Variants in SERPINI1 observed in about 807,000 individuals in gnomAD.
The protein encoded by SERPINI1 is serpin family I member 1, also known as neuroserpin.
SERPINI1 carries 19 observed loss-of-function variants against 41.1 expected under a neutral mutation model. That is an observed-to-expected ratio of 0.46 (90% CI 0.32 to 0.68). SERPINI1 has a LOEUF of 0.68. SERPINI1 is among the 30% of genes least tolerant of loss of function. The pLI, the probability that SERPINI1 is intolerant of heterozygous loss-of-function variation, is 0.03. For synonymous variants in SERPINI1, 138 were observed against 156.6 expected, an observed-to-expected ratio of 0.88 and a Z score of 0.89; for missense variants, 460 against 479.2, an observed-to-expected ratio of 0.96 and a Z score of 0.37.
chr3:167,799,708 T>C (rs1190962020), intron 5 of SERPINI1, among the ~76,000 whole-genome samples: 2 of 152,202 alleles, frequency 1.3e-5, no homozygotes. Flanking sequence ...GCACCTGTTG[T>C]TTTCTGACTT....
At chr3:167,760,052 A>G (rs1385998498) in intron 1 of SERPINI1, among the ~76,000 whole-genome samples, 1 of 152,178 alleles carries the variant, frequency 6.6e-6, no homozygotes. Flanking sequence ...TTAAGGTTAT[A>G]CAAATATCCT....
chr3:167,787,643 C>T (rs35114400), intron 1 of SERPINI1, among the ~76,000 whole-genome samples: 19,183 of 152,212 alleles, frequency 0.13, 1,452 homozygotes, highest in African/African-American at 0.21. Context: ...TAGCTGTCAT[C>T]CCATTAGCAA....
At chr3:167,761,925 A>G (rs1726394775) in intron 1 of SERPINI1, among the ~76,000 whole-genome samples, 1 of 152,196 alleles carries the variant, frequency 6.6e-6, no homozygotes, top group Non-Finnish European at 1.5e-5. Context: ...GAGTAATACT[A>G]CCTTGGCAGG....
intron 1 of SERPINI1, among the ~76,000 whole-genome samples, chr3:167,777,783 A>T (rs570877936): frequency 3.0e-4 from 45 of 152,318 alleles, no homozygotes; most frequent in Non-Finnish European, 5.3e-4. Context: ...TACAGTTTGA[A>T]TGTGCCCTCC....
intron 5 of SERPINI1, among the ~76,000 whole-genome samples, chr3:167,805,334 T>C (rs1385075304): frequency 6.6e-6 from 1 of 152,230 alleles, no homozygotes; most frequent in East Asian, 1.9e-4. Flanking sequence ...GTTGACTGCA[T>C]AAATGTCTTC....
intron 1 of SERPINI1, among the ~76,000 whole-genome samples, chr3:167,778,864 C>A (rs1727036296): frequency 6.6e-6 from 1 of 152,224 alleles, no homozygotes; most frequent in Non-Finnish European, 1.5e-5. Flanking sequence ...CTAAATTCCT[C>A]TCATAGTTAG....
chr3:167,803,768 G>A (rs1711524978), intron 5 of SERPINI1, among the ~76,000 whole-genome samples: 1 of 152,136 alleles, frequency 6.6e-6, no homozygotes, highest in Admixed American at 6.6e-5. Flanking sequence ...AAATGGATCA[G>A]GACAACTGTA....
chr3:167,766,533 C>A (rs537698331), intron 1 of SERPINI1, among the ~76,000 whole-genome samples: 1 of 152,196 alleles, frequency 6.6e-6, no homozygotes, highest in African/African-American at 2.4e-5. Flanking sequence ...GACACAGAGC[C>A]AAACCATATC....
At chr3:167,802,841 G>T (rs900646897) in intron 5 of SERPINI1, among the ~76,000 whole-genome samples, 1 of 150,642 alleles carries the variant, frequency 6.6e-6, no homozygotes, top group Non-Finnish European at 1.5e-5. Context: ...TGTTTATTGA[G>T]GCATTATTCA....
At chr3:167,794,971 C>CTTCTCT in intron 5 of SERPINI1, 147 bp downstream of exon 5, 2 of 673,008 alleles carry the variant, frequency 3.0e-6, no homozygotes, top group Middle Eastern at 4.0e-4. Flanking sequence ...TCTCTTTCTC[C>CTTCTCT]TTCTCCTTCT....
At chr3:167,823,572 T>C (rs923548181) in intron 7 of SERPINI1, among the ~76,000 whole-genome samples, 1 of 152,202 alleles carries the variant, frequency 6.6e-6, no homozygotes, top group Non-Finnish European at 1.5e-5. Flanking sequence ...GGGGTATTCA[T>C]CACCTGAAGC....
chr3:167,787,380 A>G (rs949259280), intron 1 of SERPINI1, among the ~76,000 whole-genome samples: 44 of 152,262 alleles, frequency 2.9e-4, no homozygotes, highest in African/African-American at 1.1e-3. Flanking sequence ...TAATTGTGCT[A>G]TACTTTTATA....
Position 167,823,144 on chromosome 3 carries a change from G to T in SERPINI1, c.1066+72G>T, listed in dbSNP as rs188032933. On this transcript the variant is annotated intron_variant, in intron 7 of 8. Transcript: ENST00000446050. ...AGAGCAATCTTGAGTGGGGAGTGGG[G>T]TCATTTTCAAAATGAAGCCAAAAAA... The T allele has an allele frequency of 6.0e-4, 631 of 1,055,724 alleles. 4 individuals are homozygous for T. The African/African-American group carries it at 9.0e-3, about 15-fold the overall frequency. 65.4% of individuals were successfully genotyped at this position (1,055,724 alleles called of 1,614,324 possible).
At chr3:167,806,268 A>G (rs976234520) in intron 5 of SERPINI1, among the ~76,000 whole-genome samples, 3 of 152,114 alleles carry the variant, frequency 2.0e-5, no homozygotes, top group Non-Finnish European at 4.4e-5. Flanking sequence ...TAGGAGTCGA[A>G]CAATGAGAAC....
chr3:167,817,331 AT>A (rs1265268841), intron 6 of SERPINI1, among the ~76,000 whole-genome samples: 1 of 151,942 alleles, frequency 6.6e-6, no homozygotes, highest in Non-Finnish European at 1.5e-5. Context: ...GGTTTTTTTC[AT>A]TTTTTACAGC....
intron 5 of SERPINI1, among the ~76,000 whole-genome samples, chr3:167,802,478 A>G (rs1727932360): frequency 1.3e-5 from 2 of 151,186 alleles, no homozygotes; most frequent in African/African-American, 4.9e-5. Flanking sequence ...ACATGAACAG[A>G]CACTTCTCAA....
intron 1 of SERPINI1, among the ~76,000 whole-genome samples, chr3:167,744,895 A>G (rs1489027720): frequency 7.1e-6 from 1 of 141,178 alleles, no homozygotes; most frequent in African/African-American, 2.6e-5. Context: ...TGAATAGCTT[A>G]TTGAGTATTG....
rs145521220 is a variant in SERPINI1 at position 167,793,088 on chromosome 3, T to A, written c.676+304T>A. Among the ~76,000 whole-genome samples, 451 of 152,320 alleles carry A rather than the reference T, an allele frequency of 3.0e-3. 2 individuals carry two copies. Among genetic ancestry groups the A allele is most frequent in the African/African-American group, 0.01 (434 of 41,574 alleles). ...CTCCAAAAACTCATTGGGTTTAGGA[T>A]GGGTTTTAGTGAACCATATGTTCCA... On this transcript the variant is annotated intron_variant, in intron 4 of 8. Coordinates refer to ENST00000446050, the MANE Select transcript of SERPINI1 (RefSeq NM_001122752.2).
At position 167,789,051 on chromosome 3, in the gene SERPINI1, T is replaced by A; in HGVS notation, c.-18-60T>A. 4.6e-6 allele frequency: 7 copies of A among 1,531,550 alleles called. 1 individual carries two copies. The South Asian group carries it at 6.8e-5, about 15-fold the overall frequency. The allele number at this position is 1,531,550 out of a possible 1,614,324, so 94.9% of individuals were successfully genotyped here. On this transcript the variant is annotated intron_variant, in intron 1 of 8. Coordinates refer to ENST00000446050, the MANE Select transcript of SERPINI1 (RefSeq NM_001122752.2). ...AAAGTAGAACCTCCCAACATATCCT[T>A]CCATGAGACTTTTGTTATAGAGATA...
Sources: gnomAD v4.1 joint callset for allele counts (sites outside exome capture counted in the v4.1 genomes callset) on GRCh38, gnomAD v4.1.1 for gene constraint, MANE v1.5 for transcripts, NCBI Gene and HGNC (gene_info 2026-07-23, HGNC 2026-07-21) for gene names.